Variants in MKLN1 observed in about 807,000 individuals in gnomAD.
MKLN1 encodes the protein muskelin 1, also known as muskelin.
A neutral mutation model predicts 99.0 loss-of-function variants in MKLN1; 18 were observed. The observed-to-expected ratio is 0.18, with a 90% CI of 0.13 to 0.27. MKLN1 has a LOEUF of 0.27. MKLN1 is among the 10% of genes least tolerant of loss of function. MKLN1 has a pLI of 1.00. For synonymous variants in MKLN1, 288 were observed against 293.2 expected, an observed-to-expected ratio of 0.98 and a Z score of 0.18; for missense variants, 621 against 875.9, an observed-to-expected ratio of 0.71 and a Z score of 3.67.
chr7:131,462,727 A>C (rs1040566518), intron 12 of MKLN1, among the ~76,000 whole-genome samples: 32 of 152,248 alleles, frequency 2.1e-4, no homozygotes, highest in South Asian at 4.1e-4. Flanking sequence ...AGGAGAAGGC[A>C]ATATATAATT....
rs531944359 is a variant in MKLN1, at chr7:131,364,743, T to C, written c.99-10681T>C. On this transcript the variant is annotated intron_variant, in intron 1 of 17. Transcript: ENST00000352689. Reference sequence around the variant, plus strand: ...GAACATACGGTAGTTGTGCTGAGGATAATAGTCTCCAGATGCATCCATGTT... The same window carrying C: ...GAACATACGGTAGTTGTGCTGAGGACAATAGTCTCCAGATGCATCCATGTT... Among the ~76,000 whole-genome samples the C allele has an allele frequency of 4.6e-5, 7 of 152,284 alleles. No homozygotes were observed. The South Asian group carries it at 8.3e-4, about 18-fold the overall frequency.
At chr7:131,291,601 T>A (rs866631396) in intron 3 of MKLN1, among the ~76,000 whole-genome samples, 14 of 134,930 alleles carry the variant, frequency 1.0e-4, no homozygotes, top group South Asian at 4.7e-4. Context: ...TATATATATA[T>A]AATACAGCTT....
intron 3 of MKLN1, among the ~76,000 whole-genome samples, chr7:131,270,028 A>G (rs1285111665): frequency 6.6e-6 from 1 of 151,746 alleles, no homozygotes; most frequent in African/African-American, 2.4e-5. Context: ...GGTTCAAGCA[A>G]TTCTCCTGCC....
chr7:131,114,932 T>G (rs1490524775), intron 1 of MKLN1, among the ~76,000 whole-genome samples: 2 of 149,508 alleles, frequency 1.3e-5, no homozygotes, highest in Non-Finnish European at 3.0e-5. Context: ...CAAGACTCTG[T>G]CTCAAGAAAA....
At position 131,493,947 on chromosome 7, in the gene MKLN1, AAGG is replaced by A. The variant is rs1281971388; in HGVS notation, c.*6222_*6224del. ...ACTGAACAAGCCTGTGTGCATGAAT[AAGG>A]AGCCACTCAAAAAGCCAATTTTGAG... On this transcript the variant is annotated 3_prime_UTR_variant, in exon 18 of 18. Transcript: ENST00000352689. 2 of 152,242 alleles carry A rather than the reference AAGG, an allele frequency of 1.3e-5. No homozygotes were observed. The highest frequency in any genetic ancestry group is 4.8e-5 in the African/African-American group (2 of 41,464). The allele number at this position is 152,242 out of a possible 1,614,324, so 9.4% of individuals were successfully genotyped here. A position where few individuals can be genotyped will look rare whatever the true frequency, so the allele number is the denominator to read the frequency against.
chr7:131,373,539 A>G (rs888412155), intron 1 of MKLN1, among the ~76,000 whole-genome samples: 2 of 152,104 alleles, frequency 1.3e-5, no homozygotes, highest in African/African-American at 4.8e-5. Flanking sequence ...TCTATTTTTG[A>G]TAATAAGTCT....
chr7:131,176,818 C>T (rs529069909), intron 2 of MKLN1, among the ~76,000 whole-genome samples: 4 of 152,162 alleles, frequency 2.6e-5, no homozygotes, highest in African/African-American at 4.8e-5. Context: ...GAGGCCCATT[C>T]GAGAAAAGCT....
At chr7:131,254,585 A>G (rs766059266) in intron 3 of MKLN1, among the ~76,000 whole-genome samples, 1 of 152,166 alleles carries the variant, frequency 6.6e-6, no homozygotes, top group Non-Finnish European at 1.5e-5. Context: ...GAGATTATCA[A>G]TAAAGAAATA....
chr7:131,411,622 T>C (rs1282536585), intron 7 of MKLN1, among the ~76,000 whole-genome samples: 4 of 151,730 alleles, frequency 2.6e-5, no homozygotes, highest in Non-Finnish European at 5.9e-5. Context: ...AAATTAGCTA[T>C]ACAGCCGAGT....
At chr7:131,211,768 G>T (rs1031742076) in intron 3 of MKLN1, among the ~76,000 whole-genome samples, 1 of 152,188 alleles carries the variant, frequency 6.6e-6, no homozygotes, top group Non-Finnish European at 1.5e-5. Flanking sequence ...AAAGATGGGT[G>T]ATTACTCTAG....
At chr7:131,126,755 T>C (rs1795467688) in intron 1 of MKLN1, among the ~76,000 whole-genome samples, 1 of 152,216 alleles carries the variant, frequency 6.6e-6, no homozygotes, top group Non-Finnish European at 1.5e-5. Context: ...GGTTTCACCC[T>C]GTTGGCCAGG....
At chr7:131,390,675 AT>A (rs894356104) in intron 4 of MKLN1, among the ~76,000 whole-genome samples, 1 of 151,940 alleles carries the variant, frequency 6.6e-6, no homozygotes, top group South Asian at 2.1e-4. Context: ...CATACTTAAC[AT>A]TTTTTTATGG....
intron 12 of MKLN1, among the ~76,000 whole-genome samples, chr7:131,460,493 G>A (rs1208367612): frequency 6.6e-6 from 1 of 152,236 alleles, no homozygotes; most frequent in Non-Finnish European, 1.5e-5. Context: ...AGGCACACAA[G>A]TTGGGAACAT....
intron 3 of MKLN1, among the ~76,000 whole-genome samples, chr7:131,267,050 C>T (rs73153433): frequency 0.1 from 15,691 of 151,772 alleles, 1,033 homozygotes; most frequent in South Asian, 0.32. Flanking sequence ...TGAGACTTTC[C>T]GGCTGGGCGT....
rs945630057 is a variant in MKLN1, at chr7:131,492,510, T to C, written c.*4782T>C. 6.6e-6 allele frequency: 1 copy of C among 152,122 alleles called. No homozygotes were observed. Among genetic ancestry groups the C allele is most frequent in the Non-Finnish European group, 1.5e-5 (1 of 68,056 alleles). The allele number at this position is 152,122 out of a possible 1,614,324, so 9.4% of individuals were successfully genotyped here. A position where few individuals can be genotyped will look rare whatever the true frequency, so the allele number is the denominator to read the frequency against. ...CCTTTGGGAGGCTGACACGGGAAGA[T>C]TGCTTGAGCCCAGGAATTTCAGACC... is the stretch of plus-strand genomic sequence containing the variant. On this transcript the variant is annotated 3_prime_UTR_variant, in exon 18 of 18. Transcript: ENST00000352689.
intron 1 of MKLN1, among the ~76,000 whole-genome samples, chr7:131,336,829 G>T (rs1421943840): frequency 5.3e-5 from 8 of 151,966 alleles, no homozygotes; most frequent in African/African-American, 1.9e-4. Flanking sequence ...CCTTTCCATT[G>T]TTCTTTATTT....
chr7:131,354,740 T>G (rs1221126946), intron 1 of MKLN1, among the ~76,000 whole-genome samples: 2 of 152,118 alleles, frequency 1.3e-5, no homozygotes, highest in African/African-American at 4.8e-5. Context: ...TTATATTTAG[T>G]TTTCTGATTC....
intron 4 of MKLN1, among the ~76,000 whole-genome samples, chr7:131,394,806 T>G (rs1794308218): frequency 6.6e-6 from 1 of 152,096 alleles, no homozygotes; most frequent in African/African-American, 2.4e-5. Flanking sequence ...AGTTGCATTA[T>G]TGATTCTGAA....
intron 1 of MKLN1, among the ~76,000 whole-genome samples, chr7:131,371,851 C>A (rs147885830): frequency 6.6e-6 from 1 of 151,202 alleles, no homozygotes; most frequent in Admixed American, 6.6e-5. Flanking sequence ...CTCATATTTA[C>A]TGTGGTTTTT....
Sources: allele counts gnomAD v4.1 joint callset (sites outside exome capture counted in the v4.1 genomes callset), GRCh38; gene constraint gnomAD v4.1.1; transcripts MANE v1.5; gene names NCBI Gene and HGNC (gene_info 2026-07-23, HGNC 2026-07-21).